ABCA2: variants seen among roughly 807,000 people sequenced by gnomAD.
The protein encoded by ABCA2 is ATP binding cassette subfamily A member 2, also known as ATP-binding cassette sub-family A member 2.
A neutral mutation model predicts 262.8 loss-of-function variants in ABCA2; 84 were observed. The ratio of observed to expected loss-of-function variants is 0.32; its 90% CI spans 0.27 to 0.38. ABCA2 has a LOEUF of 0.38. Ranked by LOEUF, ABCA2 falls within the 10% of genes least tolerant of loss-of-function variation. The pLI is 1.00. For missense variants in ABCA2, 2,662 were observed against 3,405.9 expected, an observed-to-expected ratio of 0.78 and a Z score of 5.44; for synonymous variants, 1,696 against 1,502.9, an observed-to-expected ratio of 1.13 and a Z score of -2.97.
In ABCA2 at chr9:137,011,257, T is replaced by C; in HGVS notation, c.5852A>G (p.Asn1951Ser). ...YLKSCFLIFP[N>S]YNLGHGLMEM... ...CATGAGCCCGTGGCCCAGGTTGTAG[T>C]TGGGGAAAATGAGGAAGCAGCTTTT... Residue 1951 changes from asparagine (N) to serine (S), a missense_variant, in exon 38 of 49, where the codon AAC becomes AGC. Transcript: ENST00000341511. The surrounding 1 kb of genome is among the most constrained non-coding windows in gnomAD (Gnocchi z 8.8). 6.2e-7 allele frequency: 1 copy of C among 1,612,364 alleles called. No individual in the cohort carries two copies. The highest frequency in any genetic ancestry group is 8.5e-7 in the Non-Finnish European group (1 of 1,179,800).
rs768136125 is a variant in ABCA2, at chr9:137,017,856, G to A, written c.2142C>T (p.Ile714=). The A allele has an allele frequency of 2.0e-5, 33 of 1,612,522 alleles. 2 individuals are homozygous for A. In the South Asian group the frequency reaches 3.5e-4, roughly 17 times the overall value. ...IEHMMPLCMV[I]SWVYSVAMTI... ...TCATGGCCACGGAGTAGACCCAGGAGATCACCATGCACAGCGGCATCATGT... is the reference window on the plus strand; with the variant it reads ...TCATGGCCACGGAGTAGACCCAGGAAATCACCATGCACAGCGGCATCATGT... The change falls in exon 16 of 49, where the codon ATC becomes ATT. Residue 714 remains isoleucine, a synonymous_variant. Transcript: ENST00000341511.
At position 137,011,645 on chromosome 9, in the gene ABCA2, G is replaced by A; in HGVS notation, c.5640C>T (p.Phe1880=). Residue 1880 remains phenylalanine (F), a synonymous_variant, in exon 36 of 49, where the codon TTC becomes TTT. Transcript: ENST00000341511. This position sits in a 1 kb window ranked among gnomAD's most constrained non-coding sequence, Gnocchi z 8.8. ...CCGCTTCCGCTTACCCATAGAGCAG[G>A]AAGAGGGAGAGGACGGCAGGGAAGT... ...PTNFPAVLSL[F]LLYGWSITPI... is the part of the protein sequence containing the mutation. The A allele has an allele frequency of 6.4e-7, 1 of 1,553,526 alleles. No individual in the cohort carries two copies. Among genetic ancestry groups the A allele is most frequent in the Non-Finnish European group, 8.7e-7 (1 of 1,148,952 alleles).
intron 10 of ABCA2, 91 bp downstream of exon 10, chr9:137,020,245 T>C: frequency 6.4e-7 from 1 of 1,564,212 alleles, no homozygotes; most frequent in Non-Finnish European, 8.7e-7. Context: ...CCGTGTCAAT[T>C]CTGCCGACAC....
chr9:137,021,558 G>T lies in ABCA2; in HGVS notation c.731C>A (p.Ser244Ter). The change falls in exon 8 of 49, where the codon TCG becomes TAG. Residue 244 changes from serine to a stop codon, truncating the protein, a stop_gained. Coordinates refer to ENST00000341511, the MANE Select transcript of ABCA2 (RefSeq NM_001606.5). LOFTEE classifies it high-confidence loss of function. This position sits in a 1 kb window ranked among gnomAD's most constrained non-coding sequence, Gnocchi z 6.0. The stretch of plus-strand genomic sequence containing the variant: ...AGTGAGGATCCGGCCCAGCTCCCCC[G>T]AGCCCGGCGTGCAGGTGAGCTGCTC... Reference protein sequence around the residue: ...LLEQLTCTPGSGELGRILTVP... With the variant: ...LLEQLTCTPG 1.3e-6 allele frequency: 2 copies of T among 1,582,330 alleles called. No homozygotes were observed. Among genetic ancestry groups the T allele is most frequent in the Non-Finnish European group, 1.7e-6 (2 of 1,165,216 alleles).
chr9:137,013,571 G>A lies in ABCA2; in HGVS notation c.4448-8C>T, dbSNP rs775589569. The A allele has an allele frequency of 1.2e-6, 2 of 1,603,258 alleles. No homozygotes were observed. Among genetic ancestry groups the A allele is most frequent in the African/African-American group, 1.3e-5 (1 of 74,992 alleles). On this transcript the variant is annotated splice_polypyrimidine_tract_variant and splice_region_variant and intron_variant, in intron 28 of 48. Transcript: ENST00000341511. ...CCAGCGGGGGCAGATCACCTGGCAG[G>A]GCGAGCAGGGAGGCCTGAGCAGGTT...
Position 137,011,521 on chromosome 9 carries a change from G to A in ABCA2, c.5685C>T (p.Ser1895=). The change falls in exon 37 of 49, where the codon TCC becomes TCT. Residue 1895 remains serine, a synonymous_variant. Coordinates refer to ENST00000341511, the MANE Select transcript of ABCA2 (RefSeq NM_001606.5). The surrounding 1 kb of genome is among the most constrained non-coding windows in gnomAD (Gnocchi z 8.8). ...CGGAGCTGGGGACCTCGAACCAGAA[G>A]GAGGCCGGGTACATGATGGGCGTGA... is the stretch of plus-strand genomic sequence containing the variant. ...WSITPIMYPA[S]FWFEVPSSAY... 1 of 1,593,432 alleles carries A rather than the reference G, an allele frequency of 6.3e-7. No homozygotes were observed. Among genetic ancestry groups the A allele is most frequent in the Non-Finnish European group, 8.5e-7 (1 of 1,170,070 alleles).
Position 137,019,306 on chromosome 9 carries a change from C to A in ABCA2, c.1426G>T (p.Ala476Ser). The A allele has an allele frequency of 6.2e-7, 1 of 1,612,272 alleles. No homozygotes were observed. Among genetic ancestry groups the A allele is most frequent in the Non-Finnish European group, 8.5e-7 (1 of 1,179,696 alleles). ...GSEVDRVILK[A>S]NETFAFVGNV... ...CCCACAAAAGCAAAAGTCTCGTTGG[C>A]CTGCAGGGGGTGAGGCAGGGGCATG... The change falls in exon 11 of 49, where the codon GCC (alanine) becomes TCC (serine). Residue 476 changes from alanine to serine, a missense_variant and splice_region_variant. Coordinates refer to ENST00000341511, the MANE Select transcript of ABCA2 (RefSeq NM_001606.5). This position sits in a 1 kb window ranked among gnomAD's most constrained non-coding sequence, Gnocchi z 4.4.
chr9:137,014,207 A>G lies in ABCA2; in HGVS notation c.4201T>C (p.Phe1401Leu), dbSNP rs1831171094. 1 of 1,609,408 alleles carries G rather than the reference A, an allele frequency of 6.2e-7. No individual in the cohort carries two copies. The highest frequency in any genetic ancestry group is 1.3e-5 in the African/African-American group (1 of 74,890). ...TDVYGDYRPLFDNPQDPDNVS... is the reference protein window; with the variant it reads ...TDVYGDYRPLLDNPQDPDNVS... The stretch of plus-strand genomic sequence containing the variant: ...TTGTCTGGGTCCTGTGGGTTATCAA[A>G]GAGGGGGCGGTAGTCGCCATAGACG... Residue 1401 changes from phenylalanine to leucine, a missense_variant, in exon 27 of 49, where the codon TTT (phenylalanine) becomes CTT (leucine). Phe to Leu is a conservative substitution (Grantham distance 22, BLOSUM62 0). Around this residue, in one of 12 missense-constraint regions of ABCA2, gnomAD observed 297 missense variants for 286.5 expected, o/e 1.04. Coordinates refer to ENST00000341511, the MANE Select transcript of ABCA2 (RefSeq NM_001606.5).
rs886538129 is a variant in ABCA2 at position 137,011,140 on chromosome 9, C to T, written c.5924-35G>A. The T allele has an allele frequency of 6.2e-7, 1 of 1,612,180 alleles. No individual in the cohort carries two copies. Among genetic ancestry groups the T allele is most frequent in the Middle Eastern group, 1.7e-4 (1 of 6,060 alleles). On this transcript the variant is annotated intron_variant, in intron 38 of 48. Transcript: ENST00000341511. This position sits in a 1 kb window ranked among gnomAD's most constrained non-coding sequence, Gnocchi z 8.8. Reference sequence around the variant, plus strand: ...GACAGCTCAGGGCCTGTGCTCTGGGCCTTGCGGGGCCCCCACCGCCTTCCC... The same window carrying T: ...GACAGCTCAGGGCCTGTGCTCTGGGTCTTGCGGGGCCCCCACCGCCTTCCC...
Position 137,019,680 on chromosome 9 carries a change from C to T in ABCA2, c.1426-374G>A, listed in dbSNP as rs1260420484. The T allele has an allele frequency of 9.1e-6, 2 of 219,586 alleles. No individual in the cohort carries two copies. Among genetic ancestry groups the T allele is most frequent in the Non-Finnish European group, 1.8e-5 (2 of 108,512 alleles). 13.6% of individuals were successfully genotyped at this position (219,586 alleles called of 1,614,324 possible). A position where few individuals can be genotyped will look rare whatever the true frequency, so the allele number is the denominator to read the frequency against. ...CAAGCGATCCTCCCACCATGGCTTC[C>T]CAAAGTGCTGGGATTTCAAGCGTGA... On this transcript the variant is annotated intron_variant, in intron 10 of 48. Transcript: ENST00000341511. The surrounding 1 kb of genome is among the most constrained non-coding windows in gnomAD (Gnocchi z 4.4).
intron 1 of ABCA2, among the ~76,000 whole-genome samples, chr9:137,024,797 C>CTT (rs869249419): frequency 2.5e-4 from 35 of 139,614 alleles, no homozygotes; most frequent in African/African-American, 3.5e-4. Context: ...GCAAAGGCAC[C>CTT]TTTTTTTTTT....
chr9:137,007,240 T>C lies in ABCA2; in HGVS notation c.*689A>G, dbSNP rs1830869288. On this transcript the variant is annotated 3_prime_UTR_variant, in exon 49 of 49. Transcript: ENST00000341511. ...CCACACACGCAGACCCGCAGACATT[T>C]TGTTTATTTATTTAAAACAAACATC... 6.5e-6 allele frequency: 1 copy of C among 152,748 alleles called. No individual in the cohort carries two copies. The highest frequency in any genetic ancestry group is 2.1e-4 in the South Asian group (1 of 4,852). 9.5% of individuals were successfully genotyped at this position (152,748 alleles called of 1,614,324 possible).
In ABCA2 at chr9:137,010,216, G is replaced by C. The variant is rs1352259573; in HGVS notation, c.6330C>G (p.Gly2110=). ...ACCTGTGTCCATTGACGAAGGCCTC[G>C]CCCCCCGTCGTGCTCTCGTCGCCGG... ...MLTGDESTTG[G]EAFVNGHSVL... is the part of the protein sequence containing the mutation. The change falls in exon 41 of 49, where the codon GGC becomes GGG. Residue 2110 remains glycine, a synonymous_variant. Coordinates refer to ENST00000341511, the MANE Select transcript of ABCA2 (RefSeq NM_001606.5). 6.2e-7 allele frequency: 1 copy of C among 1,604,120 alleles called. No individual in the cohort carries two copies.
rs900200672 is a variant in ABCA2 at position 137,021,361 on chromosome 9, CGCAGCGG to C, written c.897+24_897+30del. 1.3e-6 allele frequency: 2 copies of C among 1,596,402 alleles called. No homozygotes were observed. The highest frequency in any genetic ancestry group is 1.3e-5 in the African/African-American group (1 of 74,882). ...CTCCTTCAACTCAGGCAGCAAGCAG[CGCAGCGG>C]GCAGTGGGCAGGCAGGGCCTCACCT... On this transcript the variant is annotated intron_variant, in intron 8 of 48. Coordinates refer to ENST00000341511, the MANE Select transcript of ABCA2 (RefSeq NM_001606.5). This position sits in a 1 kb window ranked among gnomAD's most constrained non-coding sequence, Gnocchi z 6.0.
At chr9:137,014,532 G>A in intron 26 of ABCA2, 128 bp from the exon 27 acceptor site, 1 of 1,447,560 alleles carries the variant, frequency 6.9e-7, no homozygotes, top group East Asian at 2.5e-5. Context: ...TGGCCACCAG[G>A]ACCACCCACC....
rs986038371 is a variant in ABCA2, at chr9:137,022,734, C to G, written c.407G>C (p.Gly136Ala). ...QHLEALSAGP[G>A]TSGSHLDRST... The stretch of plus-strand genomic sequence containing the variant: ...TCTGTCCAGGTGGCTCCCCGAGGTG[C>G]CCGGGCCCGCACTGAGGGCCTCCAG... The change falls in exon 5 of 49, where the codon GGC (glycine) becomes GCC (alanine). Residue 136 changes from glycine (G) to alanine (A), a missense_variant. By Grantham distance (60) the Gly-to-Ala change is moderately conservative (BLOSUM62 0). Around this residue, in one of 12 missense-constraint regions of ABCA2, gnomAD observed 403 missense variants for 375.9 expected, o/e 1.07. Transcript: ENST00000341511. 1.2e-6 allele frequency: 2 copies of G among 1,605,956 alleles called. No individual in the cohort carries two copies. The highest frequency in any genetic ancestry group is 1.7e-6 in the Non-Finnish European group (2 of 1,178,188).
At position 137,011,699 on chromosome 9, in the gene ABCA2, G is replaced by A. The variant is rs764978498; in HGVS notation, c.5586C>T (p.Phe1862=). Reference sequence around the variant, plus strand: ...TGGGCGACGTGTAGGCCGGCAGGTCGAACACAAACAGGATGATGACACAGC... The same window carrying A: ...TGGGCGACGTGTAGGCCGGCAGGTCAAACACAAACAGGATGATGACACAGC... The part of the protein sequence containing the change: ...ATCCVIILFV[F]DLPAYTSPTN... The change falls in exon 36 of 49, where the codon TTC becomes TTT. Residue 1862 remains phenylalanine (F), a synonymous_variant. Transcript: ENST00000341511. This position sits in a 1 kb window ranked among gnomAD's most constrained non-coding sequence, Gnocchi z 8.8. 1.9e-5 allele frequency: 29 copies of A among 1,554,218 alleles called. No individual in the cohort carries two copies. The highest frequency in any genetic ancestry group is 2.3e-5 in the Non-Finnish European group (27 of 1,149,504).
chr9:137,008,291 C>A, intron 48 of ABCA2, 125 bp downstream of exon 48: 1 of 1,158,440 alleles, frequency 8.6e-7, no homozygotes, highest in Non-Finnish European at 1.2e-6. Context: ...ACTCTGCCCC[C>A]TTGACCTCTG....
At position 137,021,936 on chromosome 9, in the gene ABCA2, C is replaced by T. The variant is rs751609669; in HGVS notation, c.633G>A (p.Gln211=). 6.2e-7 allele frequency: 1 copy of T among 1,605,998 alleles called. No homozygotes were observed. The highest frequency in any genetic ancestry group is 8.5e-7 in the Non-Finnish European group (1 of 1,177,206). Residue 211 remains glutamine (Q), a synonymous_variant, in exon 7 of 49, where the codon CAG becomes CAA. Transcript: ENST00000341511. The surrounding 1 kb of genome is among the most constrained non-coding windows in gnomAD (Gnocchi z 6.0). ...TGCCCCCTAGGCGGCTCCAGGGCTC[C>T]TGACCCTTGTGGAGGCCAGACTGTG... ...LDSQSGLHKG[Q]EPWSRLGGNP...
Sources: allele counts gnomAD v4.1 joint callset (sites outside exome capture counted in the v4.1 genomes callset), GRCh38; gene constraint gnomAD v4.1.1; regional missense constraint gnomAD v4.1.1; non-coding constraint Gnocchi (gnomAD v3.1); transcripts MANE v1.5; gene names NCBI Gene and HGNC (gene_info 2026-07-23, HGNC 2026-07-21).